The following CDC123 variants were observed in gnomAD, a reference collection of about 807,000 sequenced individuals.
The protein encoded by CDC123 is cell division cycle 123, also known as translation initiation factor eIF2 assembly protein.
CDC123 carries 37 observed loss-of-function variants against 54.4 expected under a neutral mutation model. The ratio of observed to expected loss-of-function variants is 0.68; its 90% confidence interval spans 0.52 to 0.89. The LOEUF (loss-of-function observed/expected upper bound fraction) is 0.89. Ranked by LOEUF, CDC123 falls within the 40% of genes least tolerant of loss-of-function variation. The pLI is 0.00. For synonymous variants in CDC123, 144 were observed against 136.8 expected (o/e 1.05, Z -0.37); for missense variants, 361 against 412.1 (o/e 0.88, Z 1.07).
chr10:12,232,296 T>A (rs1186810889), intron 7 of CDC123, among the ~76,000 whole-genome samples: 1 of 152,110 alleles, frequency 6.6e-6, no homozygotes, highest in African/African-American at 2.4e-5. Context: ...CATTTTTACA[T>A]TTATGTGAAA....
At chr10:12,237,925 A>C (rs1037043565) in intron 9 of CDC123, among the ~76,000 whole-genome samples, 1 of 152,188 alleles carries the variant, frequency 6.6e-6, no homozygotes, top group Non-Finnish European at 1.5e-5. Flanking sequence ...TGTTTTTAGG[A>C]ATTGAAAGTA....
Position 12,218,779 on chromosome 10 carries a change from C to A in CDC123, c.440+1312C>A, listed in dbSNP as rs544065028. ...AGAAGTGGAATTGCTGTATTTCTTTCCTTTTGCCAGTCACTCTATAGCTAA... is the reference window on the plus strand; with the variant it reads ...AGAAGTGGAATTGCTGTATTTCTTTACTTTTGCCAGTCACTCTATAGCTAA... On this transcript the variant is annotated intron_variant, in intron 6 of 12. Transcript: ENST00000281141. 2.0e-5 allele frequency among the ~76,000 whole-genome samples: 3 copies of A among 152,270 alleles called. No homozygotes were observed. The South Asian group carries it at 6.2e-4, about 32-fold the overall frequency.
Position 12,215,343 on chromosome 10 carries a change from TTCA to T in CDC123, c.238-396_238-394del, listed in dbSNP as rs760292612. On this transcript the variant is annotated intron_variant, in intron 4 of 12. Transcript: ENST00000281141. ...CTGCAAGTGGAAGGGCTTCTAGCTC[TTCA>T]AGTAGGGATGTTATTTCTGACAACT... 1.6e-4 allele frequency among the ~76,000 whole-genome samples: 24 copies of T among 152,232 alleles called. 1 individual carries two copies. Among genetic ancestry groups the T allele is most frequent in the Non-Finnish European group, 1.5e-5 (1 of 68,046 alleles).
intron 11 of CDC123, 70 bp from the exon 12 acceptor site, chr10:12,249,507 GTTCT>G (rs1402725803): frequency 1.4e-6 from 2 of 1,442,574 alleles, no homozygotes; most frequent in Non-Finnish European, 1.9e-6. Flanking sequence ...GTTTTGCTAG[GTTCT>G]TTTTTAGTTC....
intron 2 of CDC123, 114 bp from the exon 3 acceptor site, chr10:12,209,853 C>T: frequency 1.0e-6 from 1 of 988,308 alleles, no homozygotes; most frequent in Admixed American, 2.0e-5. Context: ...TGTGAGCCAC[C>T]ACACCTAGCC....
At chr10:12,227,261 GGA>G (rs1163932597) in intron 6 of CDC123, among the ~76,000 whole-genome samples, 1 of 146,492 alleles carries the variant, frequency 6.8e-6, no homozygotes, top group Admixed American at 6.8e-5. Flanking sequence ...AGAGGGAGAG[GGA>G]GAGATAGACC....
intron 2 of CDC123, among the ~76,000 whole-genome samples, chr10:12,207,180 C>G (rs556644072): frequency 1.2e-4 from 18 of 152,128 alleles, no homozygotes; most frequent in African/African-American, 4.3e-4. Context: ...GATCTTTTGG[C>G]TTAATTCTCT....
intron 2 of CDC123, among the ~76,000 whole-genome samples, chr10:12,202,148 A>G (rs1835448259): frequency 6.6e-6 from 1 of 152,204 alleles, no homozygotes; most frequent in Non-Finnish European, 1.5e-5. Flanking sequence ...CATTTATGAT[A>G]AAATGTATAG....
At chr10:12,217,322 A>G (rs1217338245) in intron 5 of CDC123, 39 bp from the exon 6 acceptor site, 2 of 1,582,428 alleles carry the variant, frequency 1.3e-6, no homozygotes, top group Non-Finnish European at 1.7e-6. Flanking sequence ...AGCAGCCAAC[A>G]TGGAATATGG....
chr10:12,250,367 C>T lies in CDC123; in HGVS notation c.*30C>T. The T allele has an allele frequency of 6.4e-7, 1 of 1,558,534 alleles. No homozygotes were observed. The highest frequency in any genetic ancestry group is 8.8e-7 in the Non-Finnish European group (1 of 1,130,152). On this transcript the variant is annotated 3_prime_UTR_variant, in exon 13 of 13. Coordinates refer to ENST00000281141, the MANE Select transcript of CDC123 (RefSeq NM_006023.3). Reference sequence around the variant, plus strand: ...CGTACTGGAACTGGAGAAGAGGAGGCCCCGCCCCACCGCTCCGGGAGCTGC... The same window carrying T: ...CGTACTGGAACTGGAGAAGAGGAGGTCCCGCCCCACCGCTCCGGGAGCTGC...
chr10:12,222,185 C>T (rs529132847), intron 6 of CDC123, among the ~76,000 whole-genome samples: 1 of 152,246 alleles, frequency 6.6e-6, no homozygotes, highest in Non-Finnish European at 1.5e-5. Context: ...TTCCATTGGA[C>T]AGGCTGAAGA....
chr10:12,244,577 C>T (rs1324405115), intron 10 of CDC123, among the ~76,000 whole-genome samples: 1 of 151,944 alleles, frequency 6.6e-6, no homozygotes, highest in African/African-American at 2.4e-5. Flanking sequence ...AATTGCCCAC[C>T]TGTGGTTTCA....
intron 4 of CDC123, among the ~76,000 whole-genome samples, chr10:12,210,673 C>T (rs892552375): frequency 6.6e-6 from 1 of 152,058 alleles, no homozygotes; most frequent in African/African-American, 2.4e-5. Context: ...TTTCCTTATT[C>T]AAGTATATTT....
chr10:12,235,183 C>A (rs372109518), intron 8 of CDC123, 60 bp downstream of exon 8: 2 of 1,428,184 alleles, frequency 1.4e-6, no homozygotes, highest in Admixed American at 1.7e-5. Flanking sequence ...AGAAAACAAG[C>A]TTTTGTTGGA....
At chr10:12,210,240 A>G (rs769115291) in intron 3 of CDC123, 50 bp from the exon 4 acceptor site, 1 of 1,599,262 alleles carries the variant, frequency 6.3e-7, no homozygotes, top group Non-Finnish European at 8.5e-7. Flanking sequence ...TTTGAAGCCC[A>G]GTGCAGTATT....
intron 6 of CDC123, among the ~76,000 whole-genome samples, chr10:12,226,891 A>G (rs909160029): frequency 1.3e-5 from 2 of 152,060 alleles, no homozygotes; most frequent in African/African-American, 4.8e-5. Context: ...GCACTTTGGG[A>G]GGCGAAGGCA....
intron 6 of CDC123, among the ~76,000 whole-genome samples, chr10:12,224,109 C>T (rs756740110): frequency 2.0e-5 from 3 of 151,596 alleles, no homozygotes; most frequent in African/African-American, 2.4e-5. Flanking sequence ...TGAGAACATA[C>T]GATGTTTGGT....
At chr10:12,229,242 T>A (rs1169643210) in intron 6 of CDC123, among the ~76,000 whole-genome samples, 1 of 152,214 alleles carries the variant, frequency 6.6e-6, no homozygotes, top group Non-Finnish European at 1.5e-5. Context: ...CTGGTACCTG[T>A]GAACACAGTG....
chr10:12,232,570 T>G (rs998404519), intron 7 of CDC123, among the ~76,000 whole-genome samples: 1 of 152,168 alleles, frequency 6.6e-6, no homozygotes, highest in African/African-American at 2.4e-5. Context: ...TTACTAGATC[T>G]TAGAGTGCTT....
Sources: gnomAD v4.1 joint callset for allele counts (sites outside exome capture counted in the v4.1 genomes callset) on GRCh38, gnomAD v4.1.1 for gene constraint, MANE v1.5 for transcripts, NCBI Gene and HGNC (gene_info 2026-07-23, HGNC 2026-07-21) for gene names.